Variants in SYNE2 observed in about 807,000 individuals in gnomAD.
The protein encoded by SYNE2 is nesprin-2.
In SYNE2, 431 loss-of-function variants were observed where a neutral mutation model predicts 856.3. That is an observed-to-expected ratio of 0.50 (90% CI 0.47 to 0.55). The LOEUF is 0.55. Ranked by LOEUF, SYNE2 falls within the 20% of genes least tolerant of loss-of-function variation. The probability of loss-of-function intolerance (pLI) is 0.00; values close to 1 mark genes in which losing one functional copy is unlikely to be tolerated. For synonymous variants in SYNE2, 2,923 were observed against 2,872.3 expected (o/e 1.02, Z -0.56); for missense variants, 8,129 against 8,023.2 (o/e 1.01, Z -0.50).
chr14:63,880,332 TC>T (rs1405672645), intron 1 of SYNE2, among the ~76,000 whole-genome samples: 1 of 151,904 alleles, frequency 6.6e-6, no homozygotes, highest in Non-Finnish European at 1.5e-5. Flanking sequence ...CCTCAAATGA[TC>T]CACTCACCTC....
intron 57 of SYNE2, among the ~76,000 whole-genome samples, chr14:64,081,979 G>T (rs919854694): frequency 1.3e-5 from 2 of 152,082 alleles, no homozygotes; most frequent in Non-Finnish European, 2.9e-5. Flanking sequence ...CCAGCTACTC[G>T]GGAGGCTGAG....
intron 99 of SYNE2, among the ~76,000 whole-genome samples, chr14:64,192,739 A>G (rs997497834): frequency 9.2e-5 from 14 of 152,232 alleles, no homozygotes; most frequent in African/African-American, 3.4e-4. Flanking sequence ...ACAGTTACAT[A>G]GCCAGCATGT....
chr14:64,083,257 C>T (rs1187520409), intron 57 of SYNE2, among the ~76,000 whole-genome samples: 1 of 151,496 alleles, frequency 6.6e-6, no homozygotes, highest in African/African-American at 2.4e-5. Context: ...TTTTGCCTTC[C>T]CCCACTTGGA....
At chr14:64,171,577 C>T (rs898506429) in intron 94 of SYNE2, among the ~76,000 whole-genome samples, 1 of 152,156 alleles carries the variant, frequency 6.6e-6, no homozygotes, top group Non-Finnish European at 1.5e-5. Flanking sequence ...AGGAGCCAGC[C>T]ATGCAAGATC....
intron 50 of SYNE2, 23 bp from the exon 51 acceptor site, chr14:64,065,408 AT>A: frequency 3.8e-6 from 6 of 1,599,114 alleles, no homozygotes; most frequent in East Asian, 2.2e-5. Flanking sequence ...TGTCCCTCTT[AT>A]TTTTTTTCTT....
rs1555559928 is a variant in SYNE2 at position 64,221,587 on chromosome 14, G to C, written c.20073G>C (p.Gln6691His). The C allele has an allele frequency of 5.6e-6, 9 of 1,614,078 alleles. No individual in the cohort carries two copies. The Admixed American group carries it at 1.3e-4, about 24-fold the overall frequency. The change falls in exon 112 of 116, where the codon CAG becomes CAC. Residue 6691 changes from glutamine to histidine, a missense_variant. By Grantham distance (24) the Gln-to-His change is conservative (BLOSUM62 0). Transcript: ENST00000555002. ...TGTTGTTTTTTAAGGACTTCCACCA[G>C]TTGAGTCAAAATCTGCTGCTGTGGT... ...QSLMQCQDFH[Q>H]LSQNLLLWLA...
At chr14:63,858,525 T>G (rs1892561044) in intron 1 of SYNE2, among the ~76,000 whole-genome samples, 2 of 151,906 alleles carry the variant, frequency 1.3e-5, no homozygotes, top group Admixed American at 6.6e-5. Flanking sequence ...CAAGCGATTC[T>G]CCTGCCTTAG....
At chr14:64,134,885 G>T (rs2098070237) in intron 78 of SYNE2, among the ~76,000 whole-genome samples, 1 of 152,144 alleles carries the variant, frequency 6.6e-6, no homozygotes, top group South Asian at 2.1e-4. Flanking sequence ...TACTTGGGAG[G>T]CTGAGGCAGG....
At chr14:64,220,296 C>T in intron 110 of SYNE2, 141 bp from the exon 111 acceptor site, 2 of 945,846 alleles carry the variant, frequency 2.1e-6, no homozygotes, top group African/African-American at 1.6e-5. Flanking sequence ...GCTTTCCAGC[C>T]AGTCCCAGGC....
intron 63 of SYNE2, among the ~76,000 whole-genome samples, chr14:64,100,549 T>TAGATATATAG (rs61531698): frequency 1.0e-5 from 1 of 97,816 alleles, no homozygotes; most frequent in African/African-American, 4.7e-5. Flanking sequence ...TATATATATA[T>TAGATATATAG]ATATATATAT....
intron 108 of SYNE2, 58 bp downstream of exon 108, chr14:64,216,445 C>T: frequency 6.3e-7 from 1 of 1,583,680 alleles, no homozygotes; most frequent in Non-Finnish European, 8.7e-7. Context: ...CTTACATTTG[C>T]AAGAGAGAGA....
chr14:63,879,795 C>T (rs892968188), intron 1 of SYNE2, among the ~76,000 whole-genome samples: 3 of 152,200 alleles, frequency 2.0e-5, no homozygotes, highest in Admixed American at 1.3e-4. Flanking sequence ...TTAAATTCTT[C>T]AATTAGTCTG....
chr14:64,209,747 G>A, intron 102 of SYNE2, 169 bp downstream of exon 102: 1 of 1,155,978 alleles, frequency 8.7e-7, no homozygotes, highest in Non-Finnish European at 1.3e-6. Flanking sequence ...AGACATTGCT[G>A]ATGTACTCCA....
Position 64,205,507 on chromosome 14 carries a change from A to G in SYNE2, c.18201+2544A>G, listed in dbSNP as rs534691498. ...TAATAAATTAATTGCTTCCAAAAAT[A>G]AGACCTAAAAACATGGCATCACCTA... On this transcript the variant is annotated intron_variant, in intron 100 of 115. Coordinates refer to ENST00000555002, the MANE Select transcript of SYNE2 (RefSeq NM_182914.3). 6.6e-5 allele frequency among the ~76,000 whole-genome samples: 10 copies of G among 152,348 alleles called. 1 individual carries two copies. The East Asian group carries it at 1.4e-3, about 21-fold the overall frequency.
chr14:64,212,120 G>T (rs2098644503), intron 104 of SYNE2, 22 bp downstream of exon 104: 1 of 1,613,468 alleles, frequency 6.2e-7, no homozygotes, highest in Non-Finnish European at 8.5e-7. Flanking sequence ...TGCTTCCCTA[G>T]CTCTTCTCAA....
chr14:64,052,804 G>T lies in SYNE2; in HGVS notation c.8891G>T (p.Arg2964Leu). 1.2e-6 allele frequency: 2 copies of T among 1,612,656 alleles called. No homozygotes were observed. Among genetic ancestry groups the T allele is most frequent in the Non-Finnish European group, 1.7e-6 (2 of 1,179,672 alleles). Residue 2964 changes from arginine (R) to leucine (L), a missense_variant, in exon 48 of 116, where the codon CGC becomes CTC. By Grantham distance (102) the Arg-to-Leu change is moderately radical (BLOSUM62 -2). This residue lies in a region of SYNE2 where 5,410 missense variants were observed against 5,284.8 expected (regional missense o/e 1.02). Coordinates refer to ENST00000555002, the MANE Select transcript of SYNE2 (RefSeq NM_182914.3). ...CAGGAGGAGGCTGACAGTATACAGC[G>T]CAATGAACTATTACTTAATCAAGAA... ...ALQEEADSIQ[R>L]NELLLNQEVN...
At chr14:63,766,300 GAACCCCTGACCTCA>G (rs1160648230) in intron 1 of SYNE2, among the ~76,000 whole-genome samples, 1 of 151,982 alleles carries the variant, frequency 6.6e-6, no homozygotes, top group Non-Finnish European at 1.5e-5. Flanking sequence ...GGCTGGTCTT[GAACCCCTGACCTCA>G]AGTGATCCGC....
chr14:63,854,957 T>C (rs1891359859), intron 1 of SYNE2, among the ~76,000 whole-genome samples: 1 of 152,228 alleles, frequency 6.6e-6, no homozygotes, highest in African/African-American at 2.4e-5. Flanking sequence ...ATATTTTTCA[T>C]TACTTATATG....
chr14:64,184,151 C>A (rs570666443), intron 96 of SYNE2, among the ~76,000 whole-genome samples: 1 of 152,130 alleles, frequency 6.6e-6, no homozygotes, highest in African/African-American at 2.4e-5. Flanking sequence ...TTAAAGCTCT[C>A]GAGACATACA....
Sources: gnomAD v4.1 joint callset for allele counts (sites outside exome capture counted in the v4.1 genomes callset) on GRCh38, gnomAD v4.1.1 for gene constraint, gnomAD v4.1.1 regional missense constraint, MANE v1.5 for transcripts, NCBI Gene and HGNC (gene_info 2026-07-23, HGNC 2026-07-21) for gene names.